PRPF18: variants seen among roughly 807,000 people sequenced by gnomAD.
PRPF18 encodes pre-mRNA-splicing factor 18.
In PRPF18, 38 loss-of-function variants were observed where a neutral mutation model predicts 46.5. The ratio of observed to expected loss-of-function variants is 0.82; its 90% CI spans 0.63 to 1.07. PRPF18 has a LOEUF of 1.07. PRPF18 is among the 50% of genes least tolerant of loss of function. The pLI is 0.00. For synonymous variants in PRPF18, 152 were observed against 146.7 expected (o/e 1.04, Z -0.26); for missense variants, 263 against 410.0 (o/e 0.64, Z 3.10).
intron 1 of PRPF18, among the ~76,000 whole-genome samples, chr10:13,593,846 TGAGGG>T (rs2079997783): frequency 6.6e-6 from 1 of 151,886 alleles, no homozygotes; most frequent in South Asian, 2.1e-4. Flanking sequence ...CTGCTGAAAA[TGAGGG>T]GAGAATGAAA....
At chr10:13,648,656 T>C in the PRPF18 span, 3 of 152,124 alleles carry the variant, frequency 2.0e-5, no homozygotes, top group African/African-American at 2.4e-5. Context: ...GAGCTAGAGA[T>C]GGAAGGAGAC....
chr10:13,617,723 G>T (rs2080366666), intron 9 of PRPF18, among the ~76,000 whole-genome samples: 1 of 152,112 alleles, frequency 6.6e-6, no homozygotes, highest in African/African-American at 2.4e-5. Flanking sequence ...CCTCCCCGAG[G>T]AGTGATTTTT....
the PRPF18 span, chr10:13,651,688 CTG>C: frequency 7.1e-6 from 4 of 567,034 alleles, no homozygotes; most frequent in Non-Finnish European, 1.3e-5. Flanking sequence ...AAAACATACT[CTG>C]GGGGTCTTTT....
the PRPF18 span, among the ~76,000 whole-genome samples, chr10:13,636,634 A>G: frequency 1.3e-5 from 2 of 152,226 alleles, no homozygotes; most frequent in Non-Finnish European, 2.9e-5. Flanking sequence ...AGAGTATCAC[A>G]TCATGATAGG....
intron 3 of PRPF18, among the ~76,000 whole-genome samples, chr10:13,604,710 C>T (rs894673084): frequency 2.6e-5 from 4 of 152,166 alleles, no homozygotes; most frequent in Admixed American, 1.3e-4. Flanking sequence ...GTGAGCTAAA[C>T]GACCTAAACT....
chr10:13,645,873 C>T, the PRPF18 span: 4 of 152,532 alleles, frequency 2.6e-5, no homozygotes, highest in South Asian at 4.1e-4. Context: ...CCCATAAAAA[C>T]GAAAATGAAA....
intron 1 of PRPF18, among the ~76,000 whole-genome samples, 197 bp from the exon 2 acceptor site, chr10:13,597,261 C>G (rs964767076): frequency 6.6e-6 from 1 of 152,118 alleles, no homozygotes; most frequent in Admixed American, 6.5e-5. Flanking sequence ...CATATCGGTG[C>G]CCATAGTCGT....
chr10:13,597,630 A>G, intron 2 of PRPF18, 95 bp downstream of exon 2: 1 of 1,604,876 alleles, frequency 6.2e-7, no homozygotes, highest in Non-Finnish European at 8.5e-7. Context: ...TGTTCAATTT[A>G]TCAATATACG....
In PRPF18 at chr10:13,628,569, G is replaced by A. The variant is rs528106273; in HGVS notation, c.949-1691G>A. Among the ~76,000 whole-genome samples the A allele has an allele frequency of 9.2e-5, 14 of 151,880 alleles. No individual in the cohort carries two copies. In the South Asian group the frequency reaches 1.3e-3, roughly 14 times the overall value. On this transcript the variant is annotated intron_variant, in intron 9 of 9. Coordinates refer to ENST00000378572, the MANE Select transcript of PRPF18 (RefSeq NM_003675.4). ...TATTTTTAATTCTTTTTTTGTTGCC[G>A]TTTTTTTCTGAATATTTTTTAACCA...
rs2080303091 is a variant in PRPF18 at position 13,613,735 on chromosome 10, C to G, written c.580-6C>G. ...TGTAGTCTAAGTTTACCCATCCTTT[C>G]AACAGTTTCTTCTTGGCGTTTGGGC... On this transcript the variant is annotated splice_region_variant and splice_polypyrimidine_tract_variant and intron_variant, in intron 6 of 9. Coordinates refer to ENST00000378572, the MANE Select transcript of PRPF18 (RefSeq NM_003675.4). 1 of 1,610,740 alleles carries G rather than the reference C, an allele frequency of 6.2e-7. No homozygotes were observed. Among genetic ancestry groups the G allele is most frequent in the East Asian group, 2.2e-5 (1 of 44,860 alleles).
chr10:13,609,913 C>T, intron 4 of PRPF18, 126 bp from the exon 5 acceptor site: 1 of 939,764 alleles, frequency 1.1e-6, no homozygotes. Flanking sequence ...GATTTGAGTC[C>T]CTACTTTTGC....
intron 9 of PRPF18, among the ~76,000 whole-genome samples, chr10:13,623,217 A>T (rs1015444021): frequency 1.3e-5 from 2 of 152,182 alleles, no homozygotes; most frequent in Admixed American, 6.5e-5. Flanking sequence ...AGAAAAAAAA[A>T]AAAGTTCCCA....
At chr10:13,601,324 C>G (rs1411610249) in intron 3 of PRPF18, among the ~76,000 whole-genome samples, 1 of 152,164 alleles carries the variant, frequency 6.6e-6, no homozygotes, top group East Asian at 1.9e-4. Context: ...ATACTCCTAG[C>G]TGTTGTGTTT....
intron 1 of PRPF18, chr10:13,591,990 C>A: frequency 1.1e-6 from 1 of 884,848 alleles, no homozygotes; most frequent in Non-Finnish European, 1.7e-6. Context: ...AGGAAAATAT[C>A]TAGGCATTTT....
At chr10:13,596,838 G>C (rs1362516935) in intron 1 of PRPF18, among the ~76,000 whole-genome samples, 1 of 152,116 alleles carries the variant, frequency 6.6e-6, no homozygotes, top group African/African-American at 2.4e-5. Flanking sequence ...GTGACAGAGA[G>C]ATACCCTGTC....
At chr10:13,624,293 T>G (rs2080466002) in intron 9 of PRPF18, among the ~76,000 whole-genome samples, 1 of 152,252 alleles carries the variant, frequency 6.6e-6, no homozygotes, top group African/African-American at 2.4e-5. Flanking sequence ...AATTAGACTT[T>G]TAAATGCAGA....
At chr10:13,640,653 C>G in the PRPF18 span, 1 of 152,364 alleles carries the variant, frequency 6.6e-6, no homozygotes, top group South Asian at 2.1e-4. Context: ...CTTAATAGCA[C>G]CTTCTCAGCT....
chr10:13,589,895 T>G (rs948653426), intron 1 of PRPF18, among the ~76,000 whole-genome samples: 1 of 152,202 alleles, frequency 6.6e-6, no homozygotes, highest in Non-Finnish European at 1.5e-5. Flanking sequence ...TGTAAATGTT[T>G]TTATGTCTAC....
intron 9 of PRPF18, among the ~76,000 whole-genome samples, chr10:13,623,061 C>T (rs962123768): frequency 5.3e-5 from 8 of 151,972 alleles, no homozygotes; most frequent in Non-Finnish European, 1.0e-4. Context: ...ATTAGCCGGG[C>T]GTGGTGGCAG....
Sources: gnomAD v4.1 joint callset for allele counts (sites outside exome capture counted in the v4.1 genomes callset) on GRCh38, gnomAD v4.1.1 for gene constraint, MANE v1.5 for transcripts, NCBI Gene and HGNC (gene_info 2026-07-23, HGNC 2026-07-21) for gene names.